The following HIF3A variants were observed in gnomAD, a reference collection of about 807,000 sequenced individuals.
HIF3A encodes hypoxia inducible factor 3 subunit alpha.
A neutral mutation model predicts 67.2 loss-of-function variants in HIF3A; 41 were observed. That is an observed-to-expected ratio of 0.61 (90% confidence interval 0.48 to 0.79). HIF3A has a LOEUF of 0.79. Among genes scored for constraint, HIF3A ranks in the 30% least tolerant of loss-of-function variants. The probability of loss-of-function intolerance (pLI) is 0.00; values close to 1 mark genes in which losing one functional copy is unlikely to be tolerated. For synonymous variants in HIF3A, 356 were observed against 374.8 expected (o/e 0.95, Z 0.58); for missense variants, 855 against 898.0 (o/e 0.95, Z 0.61).
At chr19:46,321,520 G>C (rs1284702384) in intron 9 of HIF3A, among the ~76,000 whole-genome samples, 1 of 152,154 alleles carries the variant, frequency 6.6e-6, no homozygotes, top group African/African-American at 2.4e-5. Flanking sequence ...GGAGGCAGAG[G>C]CTGCAGTGAA....
intron 14 of HIF3A, among the ~76,000 whole-genome samples, chr19:46,336,420 G>A (rs985300878): frequency 6.6e-6 from 1 of 151,978 alleles, no homozygotes; most frequent in Non-Finnish European, 1.5e-5. Flanking sequence ...AGGCTGGAGT[G>A]CAGTGGTGCA....
At chr19:46,338,905 C>T (rs1038480259) in intron 14 of HIF3A, among the ~76,000 whole-genome samples, 7 of 152,160 alleles carry the variant, frequency 4.6e-5, no homozygotes, top group African/African-American at 1.7e-4. Flanking sequence ...AGGCTTGCCT[C>T]ACCACCCAGG....
Position 46,329,341 on chromosome 19 carries a change from G to A in HIF3A, c.1575G>A (p.Arg525=). The change falls in exon 12 of 15, where the codon CGG becomes CGA. Residue 525 remains arginine (R), a synonymous_variant. Transcript: ENST00000377670. ...PLGAVPRPRA[R]SFHGLSPPAL... Reference sequence around the variant, plus strand: ...GGGCTGTCCCCCGGCCCCGTGCTCGGAGCTTCCATGGCCTGTCACCTCCAG... The same window carrying A: ...GGGCTGTCCCCCGGCCCCGTGCTCGAAGCTTCCATGGCCTGTCACCTCCAG... The A allele has an allele frequency of 6.2e-7, 1 of 1,613,226 alleles. No homozygotes were observed. The highest frequency in any genetic ancestry group is 8.5e-7 in the Non-Finnish European group (1 of 1,179,898).
At chr19:46,316,903 T>A (rs2147203803) in intron 8 of HIF3A, among the ~76,000 whole-genome samples, 1 of 152,188 alleles carries the variant, frequency 6.6e-6, no homozygotes, top group East Asian at 1.9e-4. Context: ...TTTTTCTAGA[T>A]CTGGAGGAAT....
chr19:46,309,811 G>A (rs575335370), intron 6 of HIF3A, among the ~76,000 whole-genome samples: 87 of 152,238 alleles, frequency 5.7e-4, no homozygotes, highest in African/African-American at 2.1e-3. Context: ...GATAGGCCAG[G>A]CACAGTGGCT....
intron 9 of HIF3A, among the ~76,000 whole-genome samples, chr19:46,321,267 C>T (rs777736653): frequency 4.6e-5 from 7 of 152,108 alleles, no homozygotes; most frequent in African/African-American, 7.2e-5. Flanking sequence ...CCTTTCAGAG[C>T]CTCACCACAA....
chr19:46,320,813 A>AT (rs1970305841), intron 9 of HIF3A, among the ~76,000 whole-genome samples: 1 of 152,074 alleles, frequency 6.6e-6, no homozygotes, highest in Non-Finnish European at 1.5e-5. Context: ...TTCTGTGGCT[A>AT]TGGGGTGGTT....
At chr19:46,318,911 G>A (rs367553835) in intron 8 of HIF3A, among the ~76,000 whole-genome samples, 123 of 152,232 alleles carry the variant, frequency 8.1e-4, no homozygotes, top group South Asian at 2.1e-3. Flanking sequence ...GTGAGCCACC[G>A]CGCCTGGCCT....
intron 8 of HIF3A, chr19:46,313,511 C>T (rs1969656772): frequency 6.9e-6 from 1 of 145,430 alleles, no homozygotes; most frequent in South Asian, 2.2e-4. Context: ...AAACCACACA[C>T]ACGCAAAGAT....
intron 3 of HIF3A, 104 bp from the exon 4 acceptor site, chr19:46,308,117 G>T (rs1403439256): frequency 1.2e-6 from 1 of 806,772 alleles, no homozygotes; most frequent in Admixed American, 1.7e-5. Flanking sequence ...TGGGGAGACT[G>T]GTGAAATCAT....
chr19:46,305,114 C>T (rs4802306), intron 2 of HIF3A, 131 bp from the exon 3 acceptor site: 166,263 of 1,291,622 alleles, frequency 0.13, 12,422 homozygotes, highest in East Asian at 0.29. Flanking sequence ...TAGGATGTAC[C>T]CCCACTTCCT....
In HIF3A at chr19:46,314,381, CA is replaced by C. The variant is rs35737547; in HGVS notation, c.1025+1740del. ...AAAAACAGAAAACCTGAAAACAAAC[CA>C]AAAAAAAAAAACAAACACAAAAATA... On this transcript the variant is annotated intron_variant, in intron 8 of 14. Coordinates refer to ENST00000377670, the MANE Select transcript of HIF3A (RefSeq NM_152795.4). 5.5e-4 allele frequency among the ~76,000 whole-genome samples: 67 copies of C among 122,686 alleles called. 2 individuals are homozygous for C. Among genetic ancestry groups the C allele is most frequent in the African/African-American group, 7.7e-4 (27 of 34,968 alleles). 80.5% of individuals were successfully genotyped at this position (122,686 alleles called of 152,430 possible).
At position 46,339,527 on chromosome 19, in the gene HIF3A, C is replaced by G. The variant is rs777392482; in HGVS notation, c.1915C>G (p.Leu639Val). Residue 639 changes from leucine (L) to valine (V), a missense_variant and splice_region_variant, in exon 15 of 15, where the codon CTG becomes GTG. By Grantham distance (32) the Leu-to-Val change is conservative. Around this residue, in one of 3 missense-constraint regions of HIF3A, gnomAD observed 199 missense variants for 193.8 expected, o/e 1.03. Coordinates refer to ENST00000377670, the MANE Select transcript of HIF3A (RefSeq NM_152795.4). ...TCATTTATCTTTCATCTTTGCAGGC[C>G]TGGGCCCCTCACTGCTCTCTCCGTA... ...PLLNLNEPLGLGPSLLSPYSD... is the reference protein window; with the variant it reads ...PLLNLNEPLGVGPSLLSPYSD... The G allele has an allele frequency of 1.3e-6, 2 of 1,582,178 alleles. No individual in the cohort carries two copies. Among genetic ancestry groups the G allele is most frequent in the Non-Finnish European group, 1.7e-6 (2 of 1,162,196 alleles).
chr19:46,312,490 C>T lies in HIF3A; in HGVS notation c.878-16C>T, dbSNP rs141816698. 1,527 of 1,613,678 alleles carry T rather than the reference C, an allele frequency of 9.5e-4. 11 individuals are homozygous for T. The African/African-American group carries it at 0.015, about 16-fold the overall frequency. The stretch of plus-strand genomic sequence containing the variant: ...CCCCCTTGGTGGCCCTGATCCCTCC[C>T]GATCCCCCTCCTCAGTGCTGAGCAA... On this transcript the variant is annotated splice_polypyrimidine_tract_variant and intron_variant, in intron 7 of 14. Transcript: ENST00000377670.
At chr19:46,314,234 T>C (rs1969732218) in intron 8 of HIF3A, among the ~76,000 whole-genome samples, 1 of 147,730 alleles carries the variant, frequency 6.8e-6, no homozygotes, top group South Asian at 2.2e-4. Flanking sequence ...CTGCCATGGC[T>C]GGGCACAGTG....
intron 1 of HIF3A, among the ~76,000 whole-genome samples, chr19:46,299,709 CAA>C (rs56080471): frequency 4.5e-5 from 5 of 111,596 alleles, no homozygotes; most frequent in African/African-American, 1.4e-4. Context: ...GACCTTGTCG[CAA>C]AAAAAAAAAA....
chr19:46,315,464 G>C (rs113712543), intron 8 of HIF3A, among the ~76,000 whole-genome samples: 12,239 of 148,088 alleles, frequency 0.083, 1,151 homozygotes, highest in South Asian at 0.13. Flanking sequence ...CCAGTTGGAA[G>C]ACGCTGGGCT....
chr19:46,305,107 G>T, intron 2 of HIF3A, 138 bp from the exon 3 acceptor site: 2 of 1,214,266 alleles, frequency 1.6e-6, no homozygotes, highest in Non-Finnish European at 1.2e-6. Context: ...AGGCCACTAG[G>T]ATGTACCCCC....
chr19:46,339,504 A>G (rs747834490), intron 14 of HIF3A, 21 bp from the exon 15 acceptor site: 6 of 1,467,500 alleles, frequency 4.1e-6, no homozygotes, highest in Non-Finnish European at 5.6e-6. Context: ...TTCATTTATC[A>G]TTTATCTTTC....
Sources: allele counts gnomAD v4.1 joint callset (sites outside exome capture counted in the v4.1 genomes callset), GRCh38; gene constraint gnomAD v4.1.1; regional missense constraint gnomAD v4.1.1; transcripts MANE v1.5; gene names NCBI Gene and HGNC (gene_info 2026-07-23, HGNC 2026-07-21).